Variants in COL3A1 observed in about 807,000 individuals in gnomAD.
COL3A1 encodes the protein collagen alpha-1(III) chain.
A neutral mutation model predicts 200.9 loss-of-function variants in COL3A1; 46 were observed. The ratio of observed to expected loss-of-function variants is 0.23; its 90% CI spans 0.18 to 0.29. COL3A1 has a LOEUF of 0.29. Among genes scored for constraint, COL3A1 ranks in the 10% least tolerant of loss-of-function variants. The pLI is 1.00. For synonymous variants in COL3A1, 650 were observed against 628.0 expected (o/e 1.03, Z -0.52); for missense variants, 1,367 against 1,917.6 (o/e 0.71, Z 5.36).
intron 34 of COL3A1, 72 bp downstream of exon 34, chr2:189,001,661 T>C: frequency 3.9e-6 from 6 of 1,557,846 alleles, no homozygotes; most frequent in Non-Finnish European, 5.3e-6. Flanking sequence ...CTTCCCTTTT[T>C]GGCAGTTTTG....
In COL3A1 at chr2:188,994,276, C is replaced by A. The variant is rs776255409; in HGVS notation, c.1237C>A (p.Arg413=). Reference sequence around the variant, plus strand: ...TGGAGCTCCTGGACTGATGGGAGCCCGGGGTCCTCCAGGACCAGCCGGTGC... The same window carrying A: ...TGGAGCTCCTGGACTGATGGGAGCCAGGGGTCCTCCAGGACCAGCCGGTGC... ...IPGAPGLMGA[R]GPPGPAGANG... Residue 413 remains arginine, a synonymous_variant, in exon 18 of 51, where the codon CGG becomes AGG. Transcript: ENST00000304636. This position sits in a 1 kb window ranked among gnomAD's most constrained non-coding sequence, Gnocchi z 4.5. The A allele has an allele frequency of 6.2e-7, 1 of 1,613,904 alleles. No homozygotes were observed. Among genetic ancestry groups the A allele is most frequent in the Non-Finnish European group, 8.5e-7 (1 of 1,179,976 alleles).
At chr2:188,999,818 A>G (rs1330066932) in intron 31 of COL3A1, 24 bp from the exon 32 acceptor site, 4 of 1,587,366 alleles carry the variant, frequency 2.5e-6, no homozygotes, top group East Asian at 2.3e-5. Flanking sequence ...TTTGAATCTG[A>G]TGACATTGGC....
intron 26 of COL3A1, 44 bp downstream of exon 26, chr2:188,997,433 G>T (rs765382174): frequency 7.0e-6 from 11 of 1,570,394 alleles, no homozygotes; most frequent in Admixed American, 1.7e-5. Flanking sequence ...TAGGGTGGAG[G>T]TGGGGCAGGA....
At position 188,995,732 on chromosome 2, in the gene COL3A1, C is replaced by A. The variant is rs142085247; in HGVS notation, c.1550C>A (p.Pro517His). ...GERGAPGPAG[P>H]RGAAGEPGRD... Reference sequence around the variant, plus strand: ...CGTGGTGCTCCAGGCCCTGCAGGGCCCAGAGGAGCTGCTGGAGAACCTGGC... The same window carrying A: ...CGTGGTGCTCCAGGCCCTGCAGGGCACAGAGGAGCTGCTGGAGAACCTGGC... The change falls in exon 22 of 51, where the codon CCC (proline) becomes CAC (histidine). Residue 517 changes from proline (P) to histidine (H), a missense_variant. By Grantham distance (77) the Pro-to-His change is moderately conservative. Around this residue, in one of 5 missense-constraint regions of COL3A1, gnomAD observed 462 missense variants for 681.4 expected, o/e 0.68. Transcript: ENST00000304636. The A allele has an allele frequency of 1.0e-5, 16 of 1,565,876 alleles. No homozygotes were observed. In the South Asian group the frequency reaches 1.6e-4, roughly 16 times the overall value.
In COL3A1 at chr2:189,002,840, A is replaced by G; in HGVS notation, c.2446-115A>G. ...TGTCTTCAGAAAGCCTTGTTTTTAA[A>G]TTTTATTTCAACTCCTTCCATCTGA... On this transcript the variant is annotated intron_variant, in intron 35 of 50. Coordinates refer to ENST00000304636, the MANE Select transcript of COL3A1 (RefSeq NM_000090.4). 1.4e-5 allele frequency: 12 copies of G among 850,998 alleles called. No individual in the cohort carries two copies. In the South Asian group the frequency reaches 1.8e-4, roughly 13 times the overall value. The allele number at this position is 850,998 out of a possible 1,614,324, so 52.7% of individuals were successfully genotyped here.
At chr2:189,011,135 C>T (rs1347392697) in intron 50 of COL3A1, among the ~76,000 whole-genome samples, 4 of 152,158 alleles carry the variant, frequency 2.6e-5, no homozygotes, top group Non-Finnish European at 4.4e-5. Context: ...ATAATGCAAA[C>T]TTTATCAGAT....
Position 189,011,892 on chromosome 2 carries a change from T to A in COL3A1, c.*118T>A. 1.2e-5 allele frequency: 14 copies of A among 1,162,670 alleles called. No homozygotes were observed. Among genetic ancestry groups the A allele is most frequent in the Non-Finnish European group, 1.6e-5 (13 of 791,640 alleles). 72.0% of individuals were successfully genotyped at this position (1,162,670 alleles called of 1,614,324 possible). A position where few individuals can be genotyped will look rare whatever the true frequency, so the allele number is the denominator to read the frequency against. ...AAATTCCAGTTATTTATTTCCAAAA[T>A]GTTTGGAAACAGTATAATTTGACAA... On this transcript the variant is annotated 3_prime_UTR_variant, in exon 51 of 51. Transcript: ENST00000304636.
intron 4 of COL3A1, 79 bp from the exon 5 acceptor site, chr2:188,986,980 C>A: frequency 8.3e-7 from 1 of 1,210,830 alleles, no homozygotes; most frequent in Non-Finnish European, 1.2e-6. Flanking sequence ...GTAGATGTTG[C>A]ATGCACTTCT....
chr2:188,995,292 A>G (rs932239880), intron 21 of COL3A1, among the ~76,000 whole-genome samples, 193 bp downstream of exon 21: 4 of 152,162 alleles, frequency 2.6e-5, no homozygotes, highest in South Asian at 2.1e-4. Context: ...CTTACCCTCT[A>G]TGAGAATCCT....
chr2:188,994,384 T>C lies in COL3A1; in HGVS notation c.1293+52T>C. On this transcript the variant is annotated intron_variant, in intron 18 of 50. Transcript: ENST00000304636. The surrounding 1 kb of genome is among the most constrained non-coding windows in gnomAD (Gnocchi z 4.5). The stretch of plus-strand genomic sequence containing the variant: ...GACTGAAAGGTATAGTTTAATTCCA[T>C]CAACAAAAAATTAATAGCAAAATTT... 1.9e-6 allele frequency: 3 copies of C among 1,608,060 alleles called. No homozygotes were observed. Among genetic ancestry groups the C allele is most frequent in the South Asian group, 1.1e-5 (1 of 90,892 alleles).
In COL3A1 at chr2:189,010,326, A is replaced by G; in HGVS notation, c.3972A>G (p.Lys1324=). ...HWWTDSSAEK[K]HVWFGESMDG... ...GGACAGATTCTAGTGCTGAGAAGAA[A>G]CACGTTTGGTTTGGAGAGTCCATGG... The change falls in exon 49 of 51, where the codon AAA becomes AAG. Residue 1324 remains lysine (K), a synonymous_variant. Transcript: ENST00000304636. The G allele has an allele frequency of 1.2e-6, 2 of 1,614,148 alleles. No individual in the cohort carries two copies. Among genetic ancestry groups the G allele is most frequent in the South Asian group, 2.2e-5 (2 of 91,084 alleles).
At chr2:189,002,667 T>G (rs553841533) in intron 35 of COL3A1, among the ~76,000 whole-genome samples, 24 of 152,284 alleles carry the variant, frequency 1.6e-4, no homozygotes, top group African/African-American at 5.5e-4. Context: ...AATCCGGTCT[T>G]TCTCAAAAAA....
At chr2:189,005,691 T>A in intron 41 of COL3A1, 1 of 539,726 alleles carries the variant, frequency 1.9e-6, no homozygotes, top group African/African-American at 1.9e-5. Context: ...CTAACTAAAT[T>A]AGGAAAAAAG....
At chr2:189,011,001 C>A in intron 50 of COL3A1, 111 bp downstream of exon 50, 1 of 1,410,216 alleles carries the variant, frequency 7.1e-7, no homozygotes, top group Non-Finnish European at 9.9e-7. Flanking sequence ...ATAAAGATAG[C>A]ATTTGGTATG....
intron 9 of COL3A1, 24 bp from the exon 10 acceptor site, chr2:188,990,283 T>A (rs1349323736): frequency 1.2e-6 from 2 of 1,608,262 alleles, no homozygotes; most frequent in Non-Finnish European, 1.7e-6. Context: ...GGTTCATTAA[T>A]ATTTTTTCAT....
intron 1 of COL3A1, among the ~76,000 whole-genome samples, chr2:188,984,132 T>C (rs1404128194): frequency 6.6e-6 from 1 of 152,066 alleles, no homozygotes; most frequent in African/African-American, 2.4e-5. Context: ...GATTTGGAAA[T>C]GTCTTTACAT....
At chr2:189,008,644 C>T in intron 47 of COL3A1, 2 of 524,384 alleles carry the variant, frequency 3.8e-6, no homozygotes, top group South Asian at 4.3e-5. Context: ...CAGGTGTTTG[C>T]TTACATCAGT....
At chr2:188,979,347 T>A (rs538168223) in intron 1 of COL3A1, among the ~76,000 whole-genome samples, 1 of 152,078 alleles carries the variant, frequency 6.6e-6, no homozygotes, top group Admixed American at 6.6e-5. Flanking sequence ...TGAACTTAGA[T>A]GTATATTAAC....
rs13306263 is a variant in COL3A1, at chr2:189,003,376, G to A, written c.2554-35G>A. On this transcript the variant is annotated intron_variant, in intron 36 of 50. Transcript: ENST00000304636. ...GCTTTTCCCAAATTTTGATTTTGGT[G>A]CTATTCTTACATAATTTCCTTCCAT... The A allele has an allele frequency of 2.4e-5, 39 of 1,599,872 alleles. No homozygotes were observed. The East Asian group carries it at 8.7e-4, about 36-fold the overall frequency.
Sources: gnomAD v4.1 joint callset for allele counts (sites outside exome capture counted in the v4.1 genomes callset) on GRCh38, gnomAD v4.1.1 for gene constraint, gnomAD v4.1.1 regional missense constraint, Gnocchi (gnomAD v3.1) non-coding constraint, MANE v1.5 for transcripts, NCBI Gene and HGNC (gene_info 2026-07-23, HGNC 2026-07-21) for gene names.